The following KIRREL3 variants were observed in gnomAD, a reference collection of about 807,000 sequenced individuals.
KIRREL3 encodes the protein kirre like nephrin family adhesion molecule 3, also known as kin of IRRE-like protein 3.
Under a neutral mutation model 89.7 loss-of-function variants are expected in KIRREL3, and 36 were observed. That is an observed-to-expected ratio of 0.40 (90% CI 0.31 to 0.53). The LOEUF (loss-of-function observed/expected upper bound fraction) is 0.53, where lower values mean the gene tolerates loss of function less well. Among genes scored for constraint, KIRREL3 ranks in the 20% least tolerant of loss-of-function variants. The pLI, the probability that KIRREL3 is intolerant of heterozygous loss-of-function variation, is 0.49. For synonymous variants in KIRREL3, 445 were observed against 441.4 expected, an observed-to-expected ratio of 1.01 and a Z score of -0.10; for missense variants, 864 against 1,056.6, an observed-to-expected ratio of 0.82 and a Z score of 2.53.
chr11:126,826,945 G>A (rs1171641678), intron 1 of KIRREL3, among the ~76,000 whole-genome samples: 2 of 152,204 alleles, frequency 1.3e-5, no homozygotes, highest in Non-Finnish European at 2.9e-5. Flanking sequence ...TGAAAATGAG[G>A]CAGAGTAGCA....
At chr11:126,730,621 GCC>G (rs1459390489) in intron 1 of KIRREL3, among the ~76,000 whole-genome samples, 1 of 152,212 alleles carries the variant, frequency 6.6e-6, no homozygotes, top group Non-Finnish European at 1.5e-5. Flanking sequence ...GTGGGTAGAG[GCC>G]AGGGATGGAG....
intron 4 of KIRREL3, among the ~76,000 whole-genome samples, chr11:126,488,732 C>G (rs990857384): frequency 6.6e-6 from 1 of 152,218 alleles, no homozygotes; most frequent in Non-Finnish European, 1.5e-5. Context: ...GGAAAGCCTG[C>G]TAGGTGACTG....
At chr11:126,720,937 TG>T (rs1217079180) in intron 1 of KIRREL3, among the ~76,000 whole-genome samples, 1 of 152,060 alleles carries the variant, frequency 6.6e-6, no homozygotes, top group Non-Finnish European at 1.5e-5. Flanking sequence ...GGGAACAATC[TG>T]GGAGAAAGGT....
chr11:126,534,318 G>T lies in KIRREL3; in HGVS notation c.134-7631C>A, dbSNP rs371289065. On this transcript the variant is annotated intron_variant, in intron 2 of 16. Coordinates refer to ENST00000525144, the MANE Select transcript of KIRREL3 (RefSeq NM_032531.4). The stretch of plus-strand genomic sequence containing the variant: ...TGAGGGCTGGCTTGGCTCCGCATCT[G>T]ACTGGCGCTGAACTAGCTTCCGTTA... Among the ~76,000 whole-genome samples, 29 of 152,344 alleles carry T rather than the reference G, an allele frequency of 1.9e-4. 1 individual carries two copies. Among genetic ancestry groups the T allele is most frequent in the African/African-American group, 6.7e-4 (28 of 41,578 alleles).
At chr11:126,698,838 G>C (rs926192166) in intron 1 of KIRREL3, among the ~76,000 whole-genome samples, 4 of 152,232 alleles carry the variant, frequency 2.6e-5, no homozygotes, top group African/African-American at 9.6e-5. Context: ...CTCGTGCACA[G>C]AGCCCAGTAG....
At chr11:126,433,285 A>C (rs1429622294) in intron 13 of KIRREL3, among the ~76,000 whole-genome samples, 4 of 152,188 alleles carry the variant, frequency 2.6e-5, no homozygotes, top group Non-Finnish European at 5.9e-5. Context: ...GCTAGGTATC[A>C]GTTCTGGGTT....
At chr11:126,836,395 G>T (rs1943782505) in intron 1 of KIRREL3, among the ~76,000 whole-genome samples, 1 of 152,158 alleles carries the variant, frequency 6.6e-6, no homozygotes. Flanking sequence ...TTGATAAACA[G>T]CCTTTGTGCC....
At position 126,496,683 on chromosome 11, in the gene KIRREL3, G is replaced by C. The variant is rs1442464470; in HGVS notation, c.434-23217C>G. Among the ~76,000 whole-genome samples, 4 of 152,044 alleles carry C rather than the reference G, an allele frequency of 2.6e-5. No homozygotes were observed. The highest frequency in any genetic ancestry group is 5.9e-5 in the Non-Finnish European group (4 of 68,020). Reference sequence around the variant, plus strand: ...GTCAAGAGACTGAGGGCTACTCTTGGCTTCTTGTATCTGCCAAAACCCAAA... The same window carrying C: ...GTCAAGAGACTGAGGGCTACTCTTGCCTTCTTGTATCTGCCAAAACCCAAA... On this transcript the variant is annotated intron_variant, in intron 4 of 16. Transcript: ENST00000525144. This position sits in a 1 kb window ranked among gnomAD's most constrained non-coding sequence, Gnocchi z 4.9.
chr11:126,548,179 G>A (rs1407376525), intron 2 of KIRREL3, among the ~76,000 whole-genome samples: 6 of 151,964 alleles, frequency 3.9e-5, no homozygotes, highest in East Asian at 3.9e-4. Flanking sequence ...TTCTCCCATC[G>A]CCCTGCCTTC....
intron 1 of KIRREL3, among the ~76,000 whole-genome samples, chr11:126,675,346 T>C (rs1268265632): frequency 3.9e-5 from 6 of 152,238 alleles, no homozygotes; most frequent in East Asian, 1.9e-4. Flanking sequence ...TCTGTGATTA[T>C]GCACCAGGCA....
chr11:126,938,247 C>T (rs1948291054), intron 1 of KIRREL3, among the ~76,000 whole-genome samples: 1 of 152,198 alleles, frequency 6.6e-6, no homozygotes, highest in African/African-American at 2.4e-5. Flanking sequence ...CAGCAACTTG[C>T]ACTCAGTTTC....
chr11:126,451,417 C>CT (rs1956151541), intron 7 of KIRREL3, among the ~76,000 whole-genome samples: 28 of 137,466 alleles, frequency 2.0e-4, no homozygotes, highest in African/African-American at 7.0e-4. Flanking sequence ...CATGTGTGTG[C>CT]ATGTGTGAGC....
At chr11:126,662,652 G>A (rs1173693581) in intron 1 of KIRREL3, among the ~76,000 whole-genome samples, 1 of 152,130 alleles carries the variant, frequency 6.6e-6, no homozygotes, top group Non-Finnish European at 1.5e-5. Flanking sequence ...CCTCTTGGAG[G>A]CCCCACCTCT....
chr11:126,695,192 C>A (rs751142343), intron 1 of KIRREL3, among the ~76,000 whole-genome samples: 1 of 152,130 alleles, frequency 6.6e-6, no homozygotes, highest in African/African-American at 2.4e-5. Flanking sequence ...GTTTGCCAAT[C>A]CCTGCTCTAA....
chr11:126,862,023 G>C (rs2134619591), intron 1 of KIRREL3, among the ~76,000 whole-genome samples: 1 of 152,358 alleles, frequency 6.6e-6, no homozygotes, highest in East Asian at 1.9e-4. Context: ...TGCCCTTCTT[G>C]GCAGTGAGCA....
upstream of KIRREL3, among the ~76,000 whole-genome samples, chr11:127,002,581 G>C (rs373137138): frequency 6.6e-6 from 1 of 152,180 alleles, no homozygotes; most frequent in Non-Finnish European, 1.5e-5. Flanking sequence ...TCTATGTATA[G>C]CGCCGTCACC....
At chr11:126,790,757 G>T (rs1019545933) in intron 1 of KIRREL3, among the ~76,000 whole-genome samples, 19 of 152,098 alleles carry the variant, frequency 1.2e-4, no homozygotes, top group Admixed American at 6.5e-4. Flanking sequence ...GCTGTGCTGG[G>T]AGTGACTGGA....
At chr11:126,667,158 G>A (rs1357232218) in intron 1 of KIRREL3, among the ~76,000 whole-genome samples, 1 of 152,182 alleles carries the variant, frequency 6.6e-6, no homozygotes, top group Admixed American at 6.5e-5. Context: ...AAAGTCAAGA[G>A]TTACAGGAAA....
chr11:126,435,958 G>A (rs1955311891), intron 12 of KIRREL3, among the ~76,000 whole-genome samples: 6 of 152,230 alleles, frequency 3.9e-5, no homozygotes. Flanking sequence ...AAAAGGGCAA[G>A]ATCAACTGCC....
Sources: gnomAD v4.1 joint callset for allele counts (sites outside exome capture counted in the v4.1 genomes callset) on GRCh38, gnomAD v4.1.1 for gene constraint, Gnocchi (gnomAD v3.1) non-coding constraint, MANE v1.5 for transcripts, NCBI Gene and HGNC (gene_info 2026-07-23, HGNC 2026-07-21) for gene names.